The following XKR5 variants were observed in gnomAD, a reference collection of about 807,000 sequenced individuals.
XKR5 encodes the protein XK-related protein 5.
Under a neutral mutation model 40.8 loss-of-function variants are expected in XKR5, and 46 were observed. The observed-to-expected ratio is 1.13, with a 90% confidence interval of 0.89 to 1.44. The LOEUF is 1.44. Among genes scored for constraint, XKR5 ranks in the 40% most tolerant of loss-of-function variants. The pLI, the probability that XKR5 is intolerant of heterozygous loss-of-function variation, is 0.00. For missense variants in XKR5, 1,169 were observed against 844.7 expected (o/e 1.38, Z -4.76); for synonymous variants, 466 against 356.1 (o/e 1.31, Z -3.48).
chr8:6,816,915 C>T (rs1006352487), intron 5 of XKR5, among the ~76,000 whole-genome samples: 5 of 152,072 alleles, frequency 3.3e-5, no homozygotes, highest in African/African-American at 1.2e-4. Context: ...TTATGAGGAG[C>T]TGCTTCGTAA....
At chr8:6,812,633 TGA>T (rs1803786941) in intron 6 of XKR5, among the ~76,000 whole-genome samples, 1 of 152,192 alleles carries the variant, frequency 6.6e-6, no homozygotes, top group Admixed American at 6.5e-5. Flanking sequence ...TGTGTGTGTG[TGA>T]GTGTGCATTC....
At chr8:6,821,349 C>T (rs941157827) in intron 5 of XKR5, among the ~76,000 whole-genome samples, 1 of 152,186 alleles carries the variant, frequency 6.6e-6, no homozygotes, top group African/African-American at 2.4e-5. Context: ...CATCTAGCTA[C>T]GTTCTGTCTG....
In XKR5 at chr8:6,809,243, A is replaced by C. The variant is rs897850238; in HGVS notation, c.*1955T>G. On this transcript the variant is annotated 3_prime_UTR_variant, in exon 7 of 7. Coordinates refer to ENST00000618742, the MANE Select transcript of XKR5 (RefSeq NM_207411.5). ...GAGAGACTGCATGGAGGAAGGACTG[A>C]GATGCTGGGATAGCACAGTGAATGG... The C allele has an allele frequency of 7.9e-5, 12 of 152,204 alleles. No individual in the cohort carries two copies. Among genetic ancestry groups the C allele is most frequent in the Non-Finnish European group, 1.6e-4 (11 of 68,062 alleles). The allele number at this position is 152,204 out of a possible 1,614,324, so 9.4% of individuals were successfully genotyped here.
intron 6 of XKR5, 108 bp downstream of exon 6, chr8:6,815,699 C>T: frequency 6.8e-6 from 5 of 732,590 alleles, no homozygotes; most frequent in Non-Finnish European, 1.1e-5. Flanking sequence ...GTTCCTTGGT[C>T]TCCAGTTAAC....
Position 6,823,576 on chromosome 8 carries a change from C to T in XKR5, c.582G>A (p.Val194=), listed in dbSNP as rs1290396099. The T allele has an allele frequency of 1.9e-6, 3 of 1,596,650 alleles. No individual in the cohort carries two copies. The highest frequency in any genetic ancestry group is 2.6e-6 in the Non-Finnish European group (3 of 1,171,638). Residue 194 remains valine (V), a synonymous_variant, in exon 4 of 7, where the codon GTG becomes GTA. Transcript: ENST00000618742. ...CTTTGTAGAACAGAACCAGACTCAG[C>T]ACGCGGGTTCCCAACATGCCCATCC... ...LWRMGMLGTR[V]LSLVLFYKAY...
In XKR5 at chr8:6,810,707, C is replaced by T. The variant is rs973073258; in HGVS notation, c.*491G>A. The T allele has an allele frequency of 3.9e-5, 6 of 153,044 alleles. No homozygotes were observed. The highest frequency in any genetic ancestry group is 7.2e-5 in the African/African-American group (3 of 41,446). 9.5% of individuals were successfully genotyped at this position (153,044 alleles called of 1,614,324 possible). On this transcript the variant is annotated 3_prime_UTR_variant, in exon 7 of 7. Transcript: ENST00000618742. ...AGTTATGTTAGTTATTACAAGCACA[C>T]AGGCCTTACCTACTCCCAGAAAGCA...
intron 6 of XKR5, among the ~76,000 whole-genome samples, chr8:6,812,881 C>T (rs1251116482): frequency 2.0e-5 from 3 of 152,226 alleles, no homozygotes; most frequent in Non-Finnish European, 4.4e-5. Context: ...CCATGAACAA[C>T]AACAACACTT....
rs367779983 is a variant in XKR5, at chr8:6,832,848, C to T, written c.111G>A (p.Trp37Ter). 1 of 1,610,404 alleles carries T rather than the reference C, an allele frequency of 6.2e-7. No individual in the cohort carries two copies. Among genetic ancestry groups the T allele is most frequent in the Non-Finnish European group, 8.5e-7 (1 of 1,178,600 alleles). Reference sequence around the variant, plus strand: ...CGGGCAGGAGGACAGCAAGGGCCAGCCACCCCCACAGAAGCCGTCCTGTGG... The same window carrying T: ...CGGGCAGGAGGACAGCAAGGGCCAGTCACCCCCACAGAAGCCGTCCTGTGG... ...YFTTGRLLWG[W>*]LALAVLLPGF... is the part of the protein sequence containing the mutation. Residue 37 changes from tryptophan (W) to a stop codon, truncating the protein, a stop_gained, in exon 2 of 7, where the codon TGG becomes TGA. Transcript: ENST00000618742. LOFTEE classifies it high-confidence loss of function.
At chr8:6,830,070 C>T (rs12114663) in intron 2 of XKR5, among the ~76,000 whole-genome samples, 5,299 of 152,094 alleles carry the variant, frequency 0.035, 305 homozygotes, top group African/African-American at 0.12. Context: ...ATCTCCTGAC[C>T]TCGTGATCCG....
chr8:6,831,791 G>A (rs910012101), intron 2 of XKR5, among the ~76,000 whole-genome samples: 3 of 152,074 alleles, frequency 2.0e-5, no homozygotes, highest in Non-Finnish European at 4.4e-5. Flanking sequence ...CAAGGTGGGC[G>A]GATCACGAGG....
intron 4 of XKR5, 120 bp downstream of exon 4, chr8:6,823,401 G>A (rs1472737400): frequency 9.6e-6 from 10 of 1,046,224 alleles, no homozygotes; most frequent in Non-Finnish European, 1.3e-5. Flanking sequence ...CCATTCAGCA[G>A]AGAGCCCAGT....
chr8:6,826,610 T>C (rs573532050), intron 2 of XKR5, among the ~76,000 whole-genome samples: 2 of 152,196 alleles, frequency 1.3e-5, no homozygotes, highest in African/African-American at 2.4e-5. Flanking sequence ...GAGTGCTGGA[T>C]TGGCCACGAT....
In XKR5 at chr8:6,823,407, C is replaced by T; in HGVS notation, c.637+114G>A. ...AAGCAAGATCCATTCAGCAGAGAGC[C>T]CAGTCAGCCTTCAGGCCTGGGATTG... On this transcript the variant is annotated intron_variant, in intron 4 of 6. Coordinates refer to ENST00000618742, the MANE Select transcript of XKR5 (RefSeq NM_207411.5). 5.4e-6 allele frequency: 6 copies of T among 1,117,964 alleles called. No individual in the cohort carries two copies. In the South Asian group the frequency reaches 7.3e-5, roughly 14 times the overall value. The allele number at this position is 1,117,964 out of a possible 1,614,324, so 69.3% of individuals were successfully genotyped here. A position where few individuals can be genotyped will look rare whatever the true frequency, so the allele number is the denominator to read the frequency against.
At position 6,835,446 on chromosome 8, in the gene XKR5, C is replaced by T. The variant is rs2977806; in HGVS notation, c.48G>A (p.Glu16=). 781,412 of 1,494,522 alleles carry T rather than the reference C, an allele frequency of 0.52. 205,582 individuals carry two copies. Among genetic ancestry groups the T allele is most frequent in the East Asian group, 0.57 (20,779 of 36,176 alleles). 92.6% of individuals were successfully genotyped at this position (1,494,522 alleles called of 1,614,324 possible). ...LGLSALLQAA[E]QSARLYTVAY... is the part of the protein sequence containing the mutation. ...GGCTGCCGCACTCACGCGCGCTCTG[C>T]TCGGCCGCCTGCAGCAGGGCCGAGA... Residue 16 remains glutamate, a synonymous_variant, in exon 1 of 7, where the codon GAG becomes GAA. Transcript: ENST00000618742.
chr8:6,813,519 A>T (rs1803828714), intron 6 of XKR5, among the ~76,000 whole-genome samples: 1 of 152,218 alleles, frequency 6.6e-6, no homozygotes. Flanking sequence ...TATTGGTCCC[A>T]GGATGGAAGG....
At chr8:6,816,368 T>C (rs1285574948) in intron 5 of XKR5, among the ~76,000 whole-genome samples, 1 of 152,106 alleles carries the variant, frequency 6.6e-6, no homozygotes, top group Non-Finnish European at 1.5e-5. Context: ...CTAACAACTT[T>C]AGGATTTTGT....
At chr8:6,818,915 A>T (rs542660897) in intron 5 of XKR5, among the ~76,000 whole-genome samples, 1 of 152,302 alleles carries the variant, frequency 6.6e-6, no homozygotes, top group South Asian at 2.1e-4. Flanking sequence ...GGTGGTATGC[A>T]CCCGTGATCC....
intron 6 of XKR5, among the ~76,000 whole-genome samples, chr8:6,813,966 C>T (rs1803848616): frequency 6.6e-6 from 1 of 152,196 alleles, no homozygotes. Flanking sequence ...CCCCAGGACT[C>T]AGCTATACCT....
intron 2 of XKR5, among the ~76,000 whole-genome samples, chr8:6,827,916 AC>A (rs374295139): frequency 2.0e-5 from 3 of 152,034 alleles, no homozygotes; most frequent in Admixed American, 6.6e-5. Context: ...ACAAAACAAA[AC>A]AAAGAGCTGG....
Sources: allele counts gnomAD v4.1 joint callset (sites outside exome capture counted in the v4.1 genomes callset), GRCh38; gene constraint gnomAD v4.1.1; transcripts MANE v1.5; gene names NCBI Gene and HGNC (gene_info 2026-07-23, HGNC 2026-07-21).